GABBR2: variants seen among roughly 807,000 people sequenced by gnomAD.
GABBR2 encodes G-protein coupled receptor 51.
Under a neutral mutation model 105.6 loss-of-function variants are expected in GABBR2, and 23 were observed. The observed-to-expected ratio is 0.22, with a 90% CI of 0.16 to 0.31. GABBR2 has a LOEUF of 0.31. Ranked by LOEUF, GABBR2 falls within the 10% of genes least tolerant of loss-of-function variation. The probability of loss-of-function intolerance (pLI) is 1.00; values close to 1 mark genes in which losing one functional copy is unlikely to be tolerated. For missense variants in GABBR2, 734 were observed against 1,245.5 expected (o/e 0.59, Z 6.18); for synonymous variants, 478 against 499.7 (o/e 0.96, Z 0.58).
chr9:98,577,829 T>A (rs980479382), intron 2 of GABBR2, 106 bp downstream of exon 2: 1 of 1,150,988 alleles, frequency 8.7e-7, no homozygotes, highest in Non-Finnish European at 1.2e-6. Flanking sequence ...CCAGGAGGCC[T>A]GACCCAGGCA....
intron 1 of GABBR2, among the ~76,000 whole-genome samples, chr9:98,652,314 C>T (rs1395096253): frequency 1.3e-5 from 2 of 152,122 alleles, no homozygotes; most frequent in African/African-American, 4.8e-5. Flanking sequence ...TCAGGTCCAA[C>T]TTGAACTCCC....
rs116782508 is a variant in GABBR2, at chr9:98,611,274, C to A, written c.322-33202G>T. ...TGCCATTTCCACTGCCTACCTTGTC[C>A]CTTGCTCACCCTGGTGTCTTAGGCT... is the stretch of plus-strand genomic sequence containing the variant. On this transcript the variant is annotated intron_variant, in intron 1 of 18. Transcript: ENST00000259455. Among the ~76,000 whole-genome samples, 398 of 152,308 alleles carry A rather than the reference C, an allele frequency of 2.6e-3. 1 individual carries two copies. The highest frequency in any genetic ancestry group is 8.7e-3 in the African/African-American group (363 of 41,556).
chr9:98,586,598 C>G (rs1829081151), intron 1 of GABBR2, among the ~76,000 whole-genome samples: 1 of 152,208 alleles, frequency 6.6e-6, no homozygotes, highest in African/African-American at 2.4e-5. Context: ...CCGTGCCAGC[C>G]CCTTCTTTGC....
At chr9:98,691,378 C>A (rs777081513) in intron 1 of GABBR2, among the ~76,000 whole-genome samples, 1 of 152,190 alleles carries the variant, frequency 6.6e-6, no homozygotes, top group South Asian at 2.1e-4. Context: ...TAGGAAGTGA[C>A]AAAGCCAGGG....
At chr9:98,471,242 T>A (rs1210016792) in intron 6 of GABBR2, among the ~76,000 whole-genome samples, 1 of 152,154 alleles carries the variant, frequency 6.6e-6, no homozygotes, top group African/African-American at 2.4e-5. Context: ...CGGACAGGGA[T>A]TGGGTCTCCT....
intron 2 of GABBR2, among the ~76,000 whole-genome samples, chr9:98,551,574 T>A (rs4743234): frequency 0.088 from 13,432 of 151,886 alleles, 806 homozygotes; most frequent in South Asian, 0.14. Context: ...ACACAGCAAG[T>A]TTTGGAGGAG....
intron 13 of GABBR2, among the ~76,000 whole-genome samples, chr9:98,322,354 G>A (rs1452861853): frequency 2.6e-5 from 4 of 151,982 alleles, no homozygotes; most frequent in South Asian, 2.1e-4. Context: ...ACATCCAGCC[G>A]CCTGTCACAT....
At chr9:98,575,198 T>G (rs1161291156) in intron 2 of GABBR2, among the ~76,000 whole-genome samples, 2 of 152,130 alleles carry the variant, frequency 1.3e-5, no homozygotes, top group Non-Finnish European at 2.9e-5. Flanking sequence ...ATAGGCTTTC[T>G]AGGGCCCTAC....
chr9:98,506,155 G>C (rs961457863), intron 3 of GABBR2, among the ~76,000 whole-genome samples: 1 of 152,190 alleles, frequency 6.6e-6, no homozygotes, highest in African/African-American at 2.4e-5. Context: ...TCGTGGAAAT[G>C]TGGGTGCCTG....
At chr9:98,414,285 G>A (rs1832645447) in intron 7 of GABBR2, among the ~76,000 whole-genome samples, 1 of 152,362 alleles carries the variant, frequency 6.6e-6, no homozygotes, top group Middle Eastern at 3.4e-3. Context: ...GGAGCTGGCT[G>A]AGCCGAGAGC....
At chr9:98,420,754 G>A (rs1054610267) in intron 7 of GABBR2, among the ~76,000 whole-genome samples, 1 of 152,228 alleles carries the variant, frequency 6.6e-6, no homozygotes, top group African/African-American at 2.4e-5. Context: ...CCAGGCAAAA[G>A]GGAAGGTTGG....
At chr9:98,366,772 A>C (rs1831684722) in intron 12 of GABBR2, among the ~76,000 whole-genome samples, 1 of 152,254 alleles carries the variant, frequency 6.6e-6, no homozygotes, top group South Asian at 2.1e-4. Context: ...CCTTAAGTTG[A>C]GCCCAGATGA....
intron 7 of GABBR2, among the ~76,000 whole-genome samples, chr9:98,428,783 G>T (rs1825744753): frequency 6.6e-6 from 1 of 152,154 alleles, no homozygotes; most frequent in Non-Finnish European, 1.5e-5. Flanking sequence ...GCTGGACTTG[G>T]TGCTGACATG....
intron 7 of GABBR2, among the ~76,000 whole-genome samples, chr9:98,413,456 T>G (rs1321167945): frequency 1.3e-5 from 2 of 152,214 alleles, no homozygotes; most frequent in Non-Finnish European, 2.9e-5. Flanking sequence ...ATATTCTTTT[T>G]TTTTTCTTTA....
intron 3 of GABBR2, among the ~76,000 whole-genome samples, chr9:98,512,305 T>C (rs1827661522): frequency 1.3e-5 from 2 of 148,164 alleles, no homozygotes; most frequent in African/African-American, 2.5e-5. Flanking sequence ...AATATCATAT[T>C]GAATGGGCAA....
chr9:98,398,850 C>T (rs1025656364), intron 8 of GABBR2, among the ~76,000 whole-genome samples: 1 of 152,122 alleles, frequency 6.6e-6, no homozygotes, highest in Non-Finnish European at 1.5e-5. Flanking sequence ...GTTAACTGAC[C>T]TTTGTTTTGA....
intron 5 of GABBR2, 55 bp downstream of exon 5, chr9:98,480,877 G>C (rs1826906346): frequency 2.0e-6 from 2 of 1,018,392 alleles, no homozygotes; most frequent in Admixed American, 3.4e-5. Context: ...ATGAGTATGG[G>C]AAAAAGCTTC....
intron 1 of GABBR2, among the ~76,000 whole-genome samples, chr9:98,612,452 C>G (rs1829518138): frequency 6.6e-6 from 1 of 152,228 alleles, no homozygotes; most frequent in East Asian, 1.9e-4. Flanking sequence ...AGGGCCGCTT[C>G]TAACCCAGAG....
At chr9:98,576,148 C>T (rs924087890) in intron 2 of GABBR2, among the ~76,000 whole-genome samples, 5 of 152,216 alleles carry the variant, frequency 3.3e-5, no homozygotes, top group African/African-American at 1.2e-4. Context: ...CCCATGCATG[C>T]AGCACCAGAC....
Sources: allele counts gnomAD v4.1 joint callset (sites outside exome capture counted in the v4.1 genomes callset), GRCh38; gene constraint gnomAD v4.1.1; transcripts MANE v1.5; gene names NCBI Gene and HGNC (gene_info 2026-07-23, HGNC 2026-07-21).